Variants in EPHB2 observed in about 807,000 individuals in gnomAD.
EPHB2 encodes EPH receptor B2.
A neutral mutation model predicts 96.4 loss-of-function variants in EPHB2; 18 were observed. The observed-to-expected ratio is 0.19, with a 90% CI of 0.13 to 0.28. The LOEUF (loss-of-function observed/expected upper bound fraction) is 0.28. Ranked by LOEUF, EPHB2 falls within the 10% of genes least tolerant of loss-of-function variation. The pLI, the probability that EPHB2 is intolerant of heterozygous loss-of-function variation, is 1.00. For missense variants in EPHB2, 989 were observed against 1,355.4 expected (o/e 0.73, Z 4.25); for synonymous variants, 506 against 534.1 (o/e 0.95, Z 0.72).
chr1:22,842,086 G>C (rs1645477501), intron 3 of EPHB2, among the ~76,000 whole-genome samples: 1 of 152,108 alleles, frequency 6.6e-6, no homozygotes, highest in African/African-American at 2.4e-5. Flanking sequence ...CCTAAAAATG[G>C]AGCAAAGAGC....
intron 3 of EPHB2, among the ~76,000 whole-genome samples, chr1:22,855,377 A>G (rs1366302888): frequency 6.6e-6 from 1 of 152,188 alleles, no homozygotes; most frequent in Non-Finnish European, 1.5e-5. Flanking sequence ...TGCTGACCCC[A>G]GAACCCGCTC....
chr1:22,732,791 C>T (rs1323136902), intron 1 of EPHB2, among the ~76,000 whole-genome samples: 2 of 152,142 alleles, frequency 1.3e-5, no homozygotes, highest in East Asian at 1.9e-4. Flanking sequence ...CGTTCCTGGG[C>T]GGGGGTGTCA....
Position 22,747,480 on chromosome 1 carries a change from G to A in EPHB2, c.62-33941G>A, listed in dbSNP as rs546040747. ...CTTTGTCATCCTGGTAGAGCAAATC[G>A]AGAGGGGCTTGAGATTCCTCAAATC... On this transcript the variant is annotated intron_variant, in intron 1 of 15. Coordinates refer to ENST00000374630, the MANE Select transcript of EPHB2 (RefSeq NM_017449.5). Among the ~76,000 whole-genome samples the A allele has an allele frequency of 2.0e-5, 3 of 152,298 alleles. No individual in the cohort carries two copies. In the South Asian group the frequency reaches 6.2e-4, roughly 32 times the overall value.
chr1:22,871,138 G>A (rs947737107), intron 5 of EPHB2, among the ~76,000 whole-genome samples: 12 of 152,198 alleles, frequency 7.9e-5, no homozygotes, highest in African/African-American at 2.9e-4. Context: ...TTTTATAGAT[G>A]AAAGGAAAGC....
chr1:22,762,522 G>A (rs1318607118), intron 1 of EPHB2, among the ~76,000 whole-genome samples: 1 of 152,130 alleles, frequency 6.6e-6, no homozygotes, highest in Admixed American at 6.5e-5. Flanking sequence ...GAGGATCTTG[G>A]TAGGGGCCAA....
chr1:22,756,041 A>G (rs1162944251), intron 1 of EPHB2, among the ~76,000 whole-genome samples: 2 of 151,638 alleles, frequency 1.3e-5, no homozygotes, highest in African/African-American at 2.4e-5. Flanking sequence ...TGTTCACTAC[A>G]TGGACTCAGG....
chr1:22,714,124 C>G (rs1643232310), intron 1 of EPHB2, among the ~76,000 whole-genome samples: 2 of 152,156 alleles, frequency 1.3e-5, no homozygotes, highest in African/African-American at 4.8e-5. Context: ...GGGTGCTGGA[C>G]TCCGGGGCAG....
At chr1:22,810,921 C>A (rs530850581) in intron 3 of EPHB2, among the ~76,000 whole-genome samples, 1 of 152,266 alleles carries the variant, frequency 6.6e-6, no homozygotes, top group East Asian at 1.9e-4. Flanking sequence ...TCAGTGCCAC[C>A]CAGCCCACTG....
At chr1:22,764,279 G>A (rs529920551) in intron 1 of EPHB2, among the ~76,000 whole-genome samples, 29 of 152,294 alleles carry the variant, frequency 1.9e-4, no homozygotes, top group African/African-American at 6.5e-4. Flanking sequence ...AATGACCACG[G>A]TCAATATTTT....
Position 22,710,993 on chromosome 1 carries a change from G to A in EPHB2, c.11G>A (p.Arg4Gln), listed in dbSNP as rs776058142. Residue 4 changes from arginine (R) to glutamine (Q), a missense_variant, in exon 1 of 16, where the codon CGG (arginine) becomes CAG (glutamine). Physicochemically the swap from Arg to Gln is conservative, Grantham distance 43. Transcript: ENST00000374630. MALRRLGAALLLLP... is the reference protein window; with the variant it reads MALQRLGAALLLLP... The stretch of plus-strand genomic sequence containing the variant: ...CCGGGAAGCGCAGCCATGGCTCTGC[G>A]GAGGCTGGGGGCCGCGCTGCTGCTG... The A allele has an allele frequency of 5.2e-4, 81 of 155,474 alleles. No individual in the cohort carries two copies. Among genetic ancestry groups the A allele is most frequent in the Non-Finnish European group, 9.6e-4 (68 of 70,956 alleles). The allele number at this position is 155,474 out of a possible 1,614,324, so 9.6% of individuals were successfully genotyped here. A position where few individuals can be genotyped will look rare whatever the true frequency, so the allele number is the denominator to read the frequency against.
chr1:22,791,716 T>A (rs1644696151), intron 3 of EPHB2, among the ~76,000 whole-genome samples: 2 of 152,206 alleles, frequency 1.3e-5, no homozygotes, highest in South Asian at 4.1e-4. Context: ...AGAATAAATG[T>A]ACCGTAATTT....
At chr1:22,880,402 G>T (rs780443383) in intron 5 of EPHB2, among the ~76,000 whole-genome samples, 1 of 152,238 alleles carries the variant, frequency 6.6e-6, no homozygotes, top group Non-Finnish European at 1.5e-5. Context: ...CAGTGTCCTT[G>T]TATTGGCTGA....
intron 5 of EPHB2, 29 bp from the exon 6 acceptor site, chr1:22,882,330 T>TGATCCCTGACCTCTG: frequency 6.2e-7 from 1 of 1,612,278 alleles, no homozygotes; most frequent in Non-Finnish European, 8.5e-7. Context: ...CATGCCTCCC[T>TGATCCCTGACCTCTG]GATCCCTGAC....
chr1:22,732,164 A>T lies in EPHB2; in HGVS notation c.61+21121A>T, dbSNP rs367747765. ...CCCTTATCTGTGCAGTGGGAATTAG[A>T]GGGCCTGCCTCCCAGAGTGAGGATG... On this transcript the variant is annotated intron_variant, in intron 1 of 15. Transcript: ENST00000374630. Among the ~76,000 whole-genome samples the T allele has an allele frequency of 6.6e-5, 10 of 152,278 alleles. 1 individual carries two copies. The highest frequency in any genetic ancestry group is 2.4e-4 in the African/African-American group (10 of 41,562).
intron 1 of EPHB2, among the ~76,000 whole-genome samples, chr1:22,721,294 G>A (rs1643460148): frequency 6.6e-6 from 1 of 152,182 alleles, no homozygotes; most frequent in East Asian, 1.9e-4. Flanking sequence ...AGTTGAGGGG[G>A]ACCTGGGCAA....
intron 1 of EPHB2, among the ~76,000 whole-genome samples, chr1:22,752,656 G>T (rs115642218): frequency 0.022 from 3,376 of 151,106 alleles, 64 homozygotes; most frequent in Non-Finnish European, 0.035. Context: ...TTGGATCCAG[G>T]CTGATCTATA....
intron 1 of EPHB2, among the ~76,000 whole-genome samples, chr1:22,739,819 G>A (rs1045610557): frequency 1.3e-5 from 2 of 152,080 alleles, no homozygotes; most frequent in African/African-American, 2.4e-5. Context: ...CCACATGCCC[G>A]GCCTGGCCTG....
chr1:22,876,648 G>A (rs1286202562), intron 5 of EPHB2, among the ~76,000 whole-genome samples: 6 of 152,202 alleles, frequency 3.9e-5, no homozygotes, highest in Non-Finnish European at 7.4e-5. Flanking sequence ...CCCTGTCAGC[G>A]TGCCCGGCTA....
At chr1:22,713,827 AGT>A (rs1202975663) in intron 1 of EPHB2, among the ~76,000 whole-genome samples, 1 of 151,966 alleles carries the variant, frequency 6.6e-6, no homozygotes, top group Non-Finnish European at 1.5e-5. Context: ...GGGAGAGGAG[AGT>A]GTGTGTGTAT....
Sources: allele counts gnomAD v4.1 joint callset (sites outside exome capture counted in the v4.1 genomes callset), GRCh38; gene constraint gnomAD v4.1.1; transcripts MANE v1.5; gene names NCBI Gene and HGNC (gene_info 2026-07-23, HGNC 2026-07-21).